Variants in HSPBP1 observed in about 807,000 individuals in gnomAD.
HSPBP1 encodes HSPA (Hsp70) binding protein 1.
Under a neutral mutation model 41.7 loss-of-function variants are expected in HSPBP1, and 31 were observed. The observed-to-expected ratio is 0.74, with a 90% CI of 0.56 to 1.00. The LOEUF is 1.00. Ranked by LOEUF, HSPBP1 falls within the 50% of genes least tolerant of loss-of-function variation. HSPBP1 has a pLI of 0.00. For missense variants in HSPBP1, 439 were observed against 487.9 expected (o/e 0.90, Z 0.94); for synonymous variants, 199 against 214.4 (o/e 0.93, Z 0.63).
At chr19:55,275,379 C>T (rs895995123) in intron 3 of HSPBP1, among the ~76,000 whole-genome samples, 4 of 152,178 alleles carry the variant, frequency 2.6e-5, no homozygotes, top group Non-Finnish European at 5.9e-5. Flanking sequence ...AGTAGGGACT[C>T]AGATACTTAT....
In HSPBP1 at chr19:55,266,245, G is replaced by A. The variant is rs565167097; in HGVS notation, c.682C>T (p.Arg228Cys). 3.5e-5 allele frequency: 55 copies of A among 1,583,556 alleles called. 1 individual carries two copies. Among genetic ancestry groups the A allele is most frequent in the South Asian group, 3.3e-4 (29 of 86,798 alleles). ...ATCAACACAGAGAAGCCGTCCAGGC[G>A]GAGGAACTGCAGCAGCCCAGCCTCC... ...EQEAGLLQFL[R>C]LDGFSVLMRA... Residue 228 changes from arginine (R) to cysteine (C), a missense_variant, in exon 5 of 8, where the codon CGC (arginine) becomes TGC (cysteine). Transcript: ENST00000433386.
intron 2 of HSPBP1, among the ~76,000 whole-genome samples, chr19:55,278,587 A>C (rs879894505): frequency 1.3e-5 from 2 of 152,154 alleles, no homozygotes; most frequent in African/African-American, 2.4e-5. Flanking sequence ...CCAAGGTCAC[A>C]CAGTCAGCAA....
chr19:55,262,486 C>T lies in HSPBP1; in HGVS notation c.*122G>A, dbSNP rs1483236456. The T allele has an allele frequency of 1.4e-5, 21 of 1,491,458 alleles. No homozygotes were observed. The East Asian group carries it at 4.7e-4, about 33-fold the overall frequency. 92.4% of individuals were successfully genotyped at this position (1,491,458 alleles called of 1,614,324 possible). A position where few individuals can be genotyped will look rare whatever the true frequency, so the allele number is the denominator to read the frequency against. On this transcript the variant is annotated 3_prime_UTR_variant, in exon 8 of 8. Coordinates refer to ENST00000433386, the MANE Select transcript of HSPBP1 (RefSeq NM_012267.5). ...CTTCCAGGGACTGCACAGAGACGGG[C>T]TGGCACACCCTGGGTCCAGGCACCT...
At chr19:55,269,055 C>G (rs1181391877) in intron 4 of HSPBP1, among the ~76,000 whole-genome samples, 2 of 152,162 alleles carry the variant, frequency 1.3e-5, no homozygotes, top group Non-Finnish European at 2.9e-5. Context: ...AATCTGTAAG[C>G]AAGGCCTGTC....
In HSPBP1 at chr19:55,277,842, C is replaced by T. The variant is rs983824586; in HGVS notation, c.215G>A (p.Arg72His). The T allele has an allele frequency of 1.6e-5, 25 of 1,560,726 alleles. No individual in the cohort carries two copies. Among genetic ancestry groups the T allele is most frequent in the Admixed American group, 5.6e-5 (3 of 53,940 alleles). The part of the protein sequence containing the change: ...PPPEPMSEER[R>H]QWLQEAMSAA... ...CGACATGGCCTCCTGCAGCCACTGACGCCTCTGGAGACCAAGGCGAGGAGG... is the reference window on the plus strand; with the variant it reads ...CGACATGGCCTCCTGCAGCCACTGATGCCTCTGGAGACCAAGGCGAGGAGG... The change falls in exon 3 of 8, where the codon CGT becomes CAT. Residue 72 changes from arginine to histidine, a missense_variant. By Grantham distance (29) the Arg-to-His change is conservative. Coordinates refer to ENST00000433386, the MANE Select transcript of HSPBP1 (RefSeq NM_012267.5).
At chr19:55,277,946 C>T in intron 2 of HSPBP1, 100 bp from the exon 3 acceptor site, 1 of 999,276 alleles carries the variant, frequency 1.0e-6, no homozygotes, top group Non-Finnish European at 1.4e-6. Flanking sequence ...GGCTGATGTT[C>T]CTTCAGTCAA....
At chr19:55,269,997 C>T (rs2087878817) in intron 4 of HSPBP1, among the ~76,000 whole-genome samples, 1 of 152,096 alleles carries the variant, frequency 6.6e-6, no homozygotes, top group African/African-American at 2.4e-5. Context: ...AGGGCAGTGG[C>T]ACCACCGCCT....
intron 4 of HSPBP1, among the ~76,000 whole-genome samples, chr19:55,274,182 G>A (rs373035374): frequency 1.3e-5 from 2 of 152,172 alleles, no homozygotes; most frequent in Non-Finnish European, 2.9e-5. Flanking sequence ...TGGTCTCCCC[G>A]GGAAGTGGTC....
intron 7 of HSPBP1, among the ~76,000 whole-genome samples, chr19:55,263,713 C>G (rs1000434554): frequency 5.9e-5 from 9 of 152,078 alleles, no homozygotes; most frequent in Admixed American, 2.0e-4. Context: ...TTTTGCATAA[C>G]ATAGAGAAAA....
At position 55,272,006 on chromosome 19, in the gene HSPBP1, G is replaced by A. The variant is rs2087934999; in HGVS notation, c.640+2392C>T. On this transcript the variant is annotated intron_variant, in intron 4 of 7. Coordinates refer to ENST00000433386, the MANE Select transcript of HSPBP1 (RefSeq NM_012267.5). The surrounding 1 kb of genome is among the most constrained non-coding windows in gnomAD (Gnocchi z 4.2). ...GAACCTGGGAGGTGGAGGTTGCAGT[G>A]AGCCGAGATTGCGCCACTGCACTCC... Among the ~76,000 whole-genome samples the A allele has an allele frequency of 6.6e-6, 1 of 151,946 alleles. No individual in the cohort carries two copies. The highest frequency in any genetic ancestry group is 2.4e-5 in the African/African-American group (1 of 41,348).
intron 5 of HSPBP1, 41 bp downstream of exon 5, chr19:55,266,090 G>A (rs372199060): frequency 1.0e-4 from 158 of 1,586,042 alleles, no homozygotes; most frequent in Admixed American, 5.2e-4. Context: ...ACCCCAGGGC[G>A]TCTGCTCCCC....
chr19:55,262,436 G>T lies in HSPBP1; in HGVS notation c.*172C>A. 1 of 1,422,914 alleles carries T rather than the reference G, an allele frequency of 7.0e-7. No individual in the cohort carries two copies. Among genetic ancestry groups the T allele is most frequent in the Non-Finnish European group, 9.2e-7 (1 of 1,090,108 alleles). The allele number at this position is 1,422,914 out of a possible 1,614,324, so 88.1% of individuals were successfully genotyped here. ...TGAGAGCATGGGAGGTGGGGTCCAA[G>T]GAGCTGGTGCCTTTCTCAGCGCCCC... On this transcript the variant is annotated 3_prime_UTR_variant, in exon 8 of 8. Coordinates refer to ENST00000433386, the MANE Select transcript of HSPBP1 (RefSeq NM_012267.5).
intron 4 of HSPBP1, among the ~76,000 whole-genome samples, chr19:55,267,814 A>G (rs946470243): frequency 5.3e-5 from 8 of 152,166 alleles, no homozygotes; most frequent in Admixed American, 2.6e-4. Context: ...TCAGAATTCT[A>G]TTTTACAGAT....
At position 55,270,661 on chromosome 19, in the gene HSPBP1, C is replaced by G. The variant is rs907393490; in HGVS notation, c.640+3737G>C. 6.6e-6 allele frequency among the ~76,000 whole-genome samples: 1 copy of G among 152,044 alleles called. No individual in the cohort carries two copies. The highest frequency in any genetic ancestry group is 2.4e-5 in the African/African-American group (1 of 41,364). ...CACATCTGAGGAAACGAGATTAATC[C>G]GTGTGTCTGTGTGCACACATACCAC... On this transcript the variant is annotated intron_variant, in intron 4 of 7. Coordinates refer to ENST00000433386, the MANE Select transcript of HSPBP1 (RefSeq NM_012267.5). The surrounding 1 kb of genome is among the most constrained non-coding windows in gnomAD (Gnocchi z 5.4).
At chr19:55,274,373 TC>T in intron 4 of HSPBP1, 24 bp downstream of exon 4, 1 of 319,188 alleles carries the variant, frequency 3.1e-6, no homozygotes, top group Non-Finnish European at 4.8e-6. Flanking sequence ...AGCACCCCTG[TC>T]CCCAGCCCCA....
intron 4 of HSPBP1, among the ~76,000 whole-genome samples, chr19:55,273,773 T>C (rs942137789): frequency 2.0e-5 from 3 of 151,918 alleles, no homozygotes; most frequent in Non-Finnish European, 4.4e-5. Flanking sequence ...TCACAGGCCA[T>C]TAGGATAAAA....
intron 3 of HSPBP1, 123 bp downstream of exon 3, chr19:55,277,519 A>G: frequency 2.0e-6 from 2 of 989,934 alleles, no homozygotes; most frequent in Non-Finnish European, 3.1e-6. Flanking sequence ...GGAGGCGAAC[A>G]GGCTGATGGT....
intron 3 of HSPBP1, among the ~76,000 whole-genome samples, chr19:55,276,906 G>T (rs1046179496): frequency 6.6e-6 from 1 of 152,112 alleles, no homozygotes; most frequent in Non-Finnish European, 1.5e-5. Flanking sequence ...TGCGGGCCTG[G>T]GGGTTTCTCT....
intron 4 of HSPBP1, among the ~76,000 whole-genome samples, chr19:55,273,930 AAAG>A (rs942441153): frequency 1.3e-4 from 20 of 151,160 alleles, no homozygotes; most frequent in African/African-American, 1.9e-4. Flanking sequence ...ATGAAAAAAA[AAAG>A]AAGAAGAAGA....
Sources: gnomAD v4.1 joint callset for allele counts (sites outside exome capture counted in the v4.1 genomes callset) on GRCh38, gnomAD v4.1.1 for gene constraint, Gnocchi (gnomAD v3.1) non-coding constraint, MANE v1.5 for transcripts, NCBI Gene and HGNC (gene_info 2026-07-23, HGNC 2026-07-21) for gene names.